SIPA1L1: variants seen among roughly 807,000 people sequenced by gnomAD.
The protein encoded by SIPA1L1 is signal induced proliferation associated 1 like 1.
A neutral mutation model predicts 162.7 loss-of-function variants in SIPA1L1; 26 were observed. The observed-to-expected ratio is 0.16, with a 90% CI of 0.12 to 0.22. SIPA1L1 has a LOEUF of 0.22. Ranked by LOEUF, SIPA1L1 falls within the 10% of genes least tolerant of loss-of-function variation. The probability of loss-of-function intolerance (pLI) is 1.00; values close to 1 mark genes in which losing one functional copy is unlikely to be tolerated. For missense variants in SIPA1L1, 1,874 were observed against 2,241.0 expected (o/e 0.84, Z 3.31); for synonymous variants, 829 against 837.4 (o/e 0.99, Z 0.17).
chr14:71,400,049 T>A (rs1418296987), intron 2 of SIPA1L1, among the ~76,000 whole-genome samples: 1 of 152,032 alleles, frequency 6.6e-6, no homozygotes. Context: ...GGTCTCAAAC[T>A]CCTGGGCTCA....
At chr14:71,321,061 C>G (rs1024968499) in intron 1 of SIPA1L1, 61 bp from the exon 2 acceptor site, 3 of 151,990 alleles carry the variant, frequency 2.0e-5, no homozygotes, top group Admixed American at 2.0e-4. Context: ...CGCCGCTCTC[C>G]GCAGAGGAGG....
chr14:71,635,261 A>C (rs2041022413), intron 7 of SIPA1L1, among the ~76,000 whole-genome samples: 1 of 152,184 alleles, frequency 6.6e-6, no homozygotes, highest in Admixed American at 6.5e-5. Flanking sequence ...CCTGGGCAAC[A>C]AAAGCGAAAC....
chr14:71,702,401 C>A lies in SIPA1L1; in HGVS notation c.3542C>A (p.Ser1181Tyr), dbSNP rs745410086. ...CACAGGTTTGGAGTGAGCCGTAGAT[C>A]CCCAGCCTCCATTGACAGGCAGAAC... is the stretch of plus-strand genomic sequence containing the variant. ...MPEGFGVSRR[S>Y]PASIDRQNTQ... Residue 1181 changes from serine (S) to tyrosine (Y), a missense_variant, in exon 15 of 24, where the codon TCC becomes TAC. Coordinates refer to ENST00000381232, the MANE Select transcript of SIPA1L1 (RefSeq NM_001386936.1). 6.2e-7 allele frequency: 1 copy of A among 1,614,078 alleles called. No homozygotes were observed. Among genetic ancestry groups the A allele is most frequent in the Admixed American group, 1.7e-5 (1 of 60,026 alleles).
At chr14:71,670,347 G>C (rs1054245452) in intron 10 of SIPA1L1, among the ~76,000 whole-genome samples, 2 of 152,108 alleles carry the variant, frequency 1.3e-5, no homozygotes, top group African/African-American at 4.8e-5. Flanking sequence ...GAAATGACTG[G>C]AACAGGCTTT....
At chr14:71,431,777 C>G (rs563203230) in intron 2 of SIPA1L1, among the ~76,000 whole-genome samples, 2 of 152,196 alleles carry the variant, frequency 1.3e-5, no homozygotes, top group South Asian at 4.1e-4. Context: ...ACTATAAGGG[C>G]CAAGGGAGGG....
intron 4 of SIPA1L1, among the ~76,000 whole-genome samples, chr14:71,532,965 G>A (rs916497841): frequency 6.6e-6 from 1 of 152,160 alleles, no homozygotes; most frequent in Non-Finnish European, 1.5e-5. Context: ...AACCTCTACA[G>A]GGTGGTGGAG....
chr14:71,686,803 G>A (rs1348314374), intron 13 of SIPA1L1, among the ~76,000 whole-genome samples: 1 of 152,186 alleles, frequency 6.6e-6, no homozygotes, highest in Non-Finnish European at 1.5e-5. Context: ...AAAACCCTTA[G>A]ACCTGGGGAG....
At chr14:71,642,369 G>A (rs969432576) in intron 7 of SIPA1L1, among the ~76,000 whole-genome samples, 1 of 152,160 alleles carries the variant, frequency 6.6e-6, no homozygotes, top group African/African-American at 2.4e-5. Context: ...TCAGGGAGGA[G>A]AGAGCCGTAA....
At chr14:71,570,526 A>G (rs1028002074) in intron 4 of SIPA1L1, among the ~76,000 whole-genome samples, 8 of 152,116 alleles carry the variant, frequency 5.3e-5, no homozygotes, top group Admixed American at 2.6e-4. Flanking sequence ...TGGCCTCTCA[A>G]AGAGCTGGGA....
intron 7 of SIPA1L1, among the ~76,000 whole-genome samples, chr14:71,633,129 T>G (rs2040755675): frequency 7.7e-6 from 1 of 130,032 alleles, no homozygotes. Flanking sequence ...TATGTTATGT[T>G]ATGTTATGTT....
At chr14:71,491,599 A>G (rs1466864980) in intron 2 of SIPA1L1, among the ~76,000 whole-genome samples, 2 of 151,956 alleles carry the variant, frequency 1.3e-5, no homozygotes, top group African/African-American at 4.8e-5. Flanking sequence ...CAGTGGTGCA[A>G]TCATGGCTCA....
chr14:71,428,728 A>T (rs2140902365), intron 2 of SIPA1L1, among the ~76,000 whole-genome samples: 1 of 152,346 alleles, frequency 6.6e-6, no homozygotes, highest in South Asian at 2.1e-4. Flanking sequence ...TGTGATCAGA[A>T]GCAGCAGTCA....
chr14:71,399,431 G>A (rs1158361405), intron 2 of SIPA1L1, among the ~76,000 whole-genome samples: 2 of 152,188 alleles, frequency 1.3e-5, no homozygotes, highest in East Asian at 1.9e-4. Context: ...TTGAAACAGG[G>A]TCTTGCTCTG....
chr14:71,449,287 G>T (rs1056554350), intron 2 of SIPA1L1, among the ~76,000 whole-genome samples: 8 of 152,192 alleles, frequency 5.3e-5, no homozygotes, highest in African/African-American at 1.7e-4. Flanking sequence ...TCTAGTTATG[G>T]TTTTAGTTCA....
chr14:71,333,981 A>T lies in SIPA1L1; in HGVS notation c.-465+12800A>T, dbSNP rs35495654. ...GATGATGTGGAGTGTGACAAAGAGTATACTCAAGGATGACACCGAGGTGTT... is the reference window on the plus strand; with the variant it reads ...GATGATGTGGAGTGTGACAAAGAGTTTACTCAAGGATGACACCGAGGTGTT... On this transcript the variant is annotated intron_variant, in intron 2 of 23. Transcript: ENST00000381232. Among the ~76,000 whole-genome samples the T allele has an allele frequency of 5.4e-3, 822 of 152,302 alleles. 7 individuals are homozygous for T. Among genetic ancestry groups the T allele is most frequent in the Middle Eastern group, 0.01 (3 of 294 alleles).
At chr14:71,623,829 C>G (rs188533581) in intron 6 of SIPA1L1, among the ~76,000 whole-genome samples, 1 of 152,102 alleles carries the variant, frequency 6.6e-6, no homozygotes, top group African/African-American at 2.4e-5. Context: ...ATTATGTGCT[C>G]CTTTGGACCC....
intron 13 of SIPA1L1, among the ~76,000 whole-genome samples, chr14:71,697,939 A>C (rs2081774736): frequency 6.6e-6 from 1 of 151,702 alleles, no homozygotes; most frequent in Admixed American, 6.6e-5. Context: ...AAAAACAAAA[A>C]AAAAACCACA....
At chr14:71,349,834 C>T (rs577748582) in intron 2 of SIPA1L1, among the ~76,000 whole-genome samples, 149 of 152,100 alleles carry the variant, frequency 9.8e-4, no homozygotes, top group African/African-American at 3.5e-3. Flanking sequence ...TTTTGATGGC[C>T]CAAGAGTGGG....
intron 19 of SIPA1L1, 68 bp from the exon 20 acceptor site, chr14:71,729,987 C>T: frequency 2.6e-6 from 4 of 1,558,724 alleles, no homozygotes; most frequent in East Asian, 2.2e-5. Context: ...TCCCACCCTC[C>T]CCCAACCTTG....
Sources: gnomAD v4.1 joint callset for allele counts (sites outside exome capture counted in the v4.1 genomes callset) on GRCh38, gnomAD v4.1.1 for gene constraint, MANE v1.5 for transcripts, NCBI Gene and HGNC (gene_info 2026-07-23, HGNC 2026-07-21) for gene names.